Variants in NCKAP1L observed in about 807,000 individuals in gnomAD.
The protein encoded by NCKAP1L is nck-associated protein 1-like.
In NCKAP1L, 53 loss-of-function variants were observed where a neutral mutation model predicts 139.2. The ratio of observed to expected loss-of-function variants is 0.38; its 90% confidence interval spans 0.31 to 0.48. The LOEUF is 0.48. NCKAP1L is among the 20% of genes least tolerant of loss of function. The pLI is 0.98. For synonymous variants in NCKAP1L, 468 were observed against 499.7 expected (o/e 0.94, Z 0.85); for missense variants, 1,151 against 1,381.9 (o/e 0.83, Z 2.65).
chr12:54,508,542 G>A lies in NCKAP1L; in HGVS notation c.506+11G>A, dbSNP rs1956860849. ...GCTGCATGGGCATGGGTGAGTTAAG[G>A]CGAGAGTATTATATGAAGAGTCTCA... On this transcript the variant is annotated intron_variant, in intron 5 of 30. Coordinates refer to ENST00000293373, the MANE Select transcript of NCKAP1L (RefSeq NM_005337.5). 1 of 1,613,904 alleles carries A rather than the reference G, an allele frequency of 6.2e-7. No homozygotes were observed.
chr12:54,506,186 A>T (rs955036039), intron 3 of NCKAP1L, among the ~76,000 whole-genome samples: 1 of 152,148 alleles, frequency 6.6e-6, no homozygotes, highest in African/African-American at 2.4e-5. Flanking sequence ...TTAATTTTAT[A>T]AGAAACCGCC....
intron 18 of NCKAP1L, among the ~76,000 whole-genome samples, 187 bp downstream of exon 18, chr12:54,521,425 C>T (rs1956983099): frequency 6.6e-6 from 1 of 152,192 alleles, no homozygotes; most frequent in African/African-American, 2.4e-5. Context: ...AGTCTTTCCT[C>T]CCTTAGGACT....
intron 3 of NCKAP1L, among the ~76,000 whole-genome samples, chr12:54,503,642 T>C (rs977487357): frequency 6.7e-6 from 1 of 150,110 alleles, no homozygotes; most frequent in Non-Finnish European, 1.5e-5. Flanking sequence ...TTTTTTCTTT[T>C]CTTTTTTTTT....
chr12:54,548,039 T>C lies in NCKAP1L; in HGVS notation c.*5354T>C, dbSNP rs1394065322. The C allele has an allele frequency of 2.0e-5, 3 of 152,196 alleles. No individual in the cohort carries two copies. The highest frequency in any genetic ancestry group is 4.4e-5 in the Non-Finnish European group (3 of 68,034). The allele number at this position is 152,196 out of a possible 1,614,324, so 9.4% of individuals were successfully genotyped here. On this transcript the variant is annotated 3_prime_UTR_variant, in exon 31 of 31. Coordinates refer to ENST00000293373, the MANE Select transcript of NCKAP1L (RefSeq NM_005337.5). The stretch of plus-strand genomic sequence containing the variant: ...TGCTGAATCTAAATGCTGACCTAAC[T>C]TGGCAATTCTTTTATGTTAGGAGTC...
chr12:54,498,896 T>G, intron 1 of NCKAP1L: 1 of 475,948 alleles, frequency 2.1e-6, no homozygotes, highest in Non-Finnish European at 2.7e-6. Context: ...TGACCTACTC[T>G]TATGCTTTTT....
At chr12:54,520,579 C>A in intron 16 of NCKAP1L, 115 bp from the exon 17 acceptor site, 1 of 1,020,712 alleles carries the variant, frequency 9.8e-7, no homozygotes, top group Non-Finnish European at 1.5e-6. Flanking sequence ...TGAATATCCT[C>A]TCCGCCTCAA....
At chr12:54,499,131 G>T (rs894630310) in intron 1 of NCKAP1L, among the ~76,000 whole-genome samples, 2 of 152,070 alleles carry the variant, frequency 1.3e-5, no homozygotes, top group South Asian at 4.2e-4. Context: ...TCACCATGTT[G>T]GCCAGGCTGG....
chr12:54,501,562 T>C (rs918695334), intron 3 of NCKAP1L, among the ~76,000 whole-genome samples: 1 of 151,982 alleles, frequency 6.6e-6, no homozygotes, highest in South Asian at 2.1e-4. Flanking sequence ...TGGAGTGTAG[T>C]GGTGCAATCA....
intron 28 of NCKAP1L, 93 bp from the exon 29 acceptor site, chr12:54,536,851 A>G (rs893123051): frequency 1.8e-5 from 15 of 818,600 alleles, no homozygotes; most frequent in Non-Finnish European, 2.6e-5. Flanking sequence ...GCTCAGCCTG[A>G]AAACATGAGA....
intron 9 of NCKAP1L, among the ~76,000 whole-genome samples, chr12:54,515,993 C>T (rs769388923): frequency 1.7e-4 from 26 of 151,876 alleles, no homozygotes; most frequent in Non-Finnish European, 2.8e-4. Flanking sequence ...CTTGACAAGT[C>T]ATTTCCCTTC....
At chr12:54,516,596 C>T (rs1358120811) in intron 10 of NCKAP1L, among the ~76,000 whole-genome samples, 1 of 152,112 alleles carries the variant, frequency 6.6e-6, no homozygotes, top group African/African-American at 2.4e-5. Flanking sequence ...CAGGCACCCA[C>T]CACCACGCCC....
chr12:54,538,800 T>G (rs970091969), intron 29 of NCKAP1L, 84 bp from the exon 30 acceptor site: 24 of 1,028,054 alleles, frequency 2.3e-5, no homozygotes, highest in Non-Finnish European at 3.5e-5. Context: ...ACTCTCTCCT[T>G]GATCTTTTCT....
Position 54,531,484 on chromosome 12 carries a change from A to T in NCKAP1L, c.2605-7A>T. The T allele has an allele frequency of 6.2e-7, 1 of 1,614,156 alleles. No homozygotes were observed. The highest frequency in any genetic ancestry group is 8.5e-7 in the Non-Finnish European group (1 of 1,179,990). ...CTGCTTAATGTCTCTGTGTTCCTGG[A>T]CTACAGAAGCTGGTGGTGGAAAACA... On this transcript the variant is annotated splice_polypyrimidine_tract_variant and splice_region_variant and intron_variant, in intron 23 of 30. Transcript: ENST00000293373.
chr12:54,521,898 G>C (rs1345266449), intron 18 of NCKAP1L, among the ~76,000 whole-genome samples: 3 of 151,876 alleles, frequency 2.0e-5, no homozygotes, highest in African/African-American at 7.3e-5. Context: ...GTGTGTGTGT[G>C]TGTGTGTGTG....
At position 54,498,913 on chromosome 12, in the gene NCKAP1L, ATATTTATT is replaced by A. The variant is rs10528777; in HGVS notation, c.103-416_103-409del. 1,929 of 203,052 alleles carry A rather than the reference ATATTTATT, an allele frequency of 9.5e-3. 15 individuals are homozygous for A. The highest frequency in any genetic ancestry group is 0.013 in the Non-Finnish European group (1,637 of 123,328). 12.6% of individuals were successfully genotyped at this position (203,052 alleles called of 1,614,324 possible). A position where few individuals can be genotyped will look rare whatever the true frequency, so the allele number is the denominator to read the frequency against. Reference sequence around the variant, plus strand: ...ACCTACTCTTATGCTTTTTATTTTTATATTTATTTATTTATTTATTTATTTATTTATTT... The same window carrying A: ...ACCTACTCTTATGCTTTTTATTTTTATATTTATTTATTTATTTATTTATTT... On this transcript the variant is annotated intron_variant, in intron 1 of 30. Transcript: ENST00000293373.
intron 1 of NCKAP1L, 38 bp from the exon 2 acceptor site, chr12:54,499,317 G>A (rs1422407824): frequency 8.8e-7 from 1 of 1,140,920 alleles, no homozygotes; most frequent in African/African-American, 1.5e-5. Flanking sequence ...CTGAGGAGGA[G>A]GAGAAAGGGT....
Position 54,531,801 on chromosome 12 carries a change from C to T in NCKAP1L, c.2757C>T (p.Ala919=). ...TIIGVILSFR[A]MAQEGLREVF... ...TTGGGGTTATCCTCAGTTTCAGGGC[C>T]ATGGCCCAAGAGGGACTTCGGGAGG... The change falls in exon 25 of 31, where the codon GCC becomes GCT. Residue 919 remains alanine, a synonymous_variant. Coordinates refer to ENST00000293373, the MANE Select transcript of NCKAP1L (RefSeq NM_005337.5). 1 of 1,612,548 alleles carries T rather than the reference C, an allele frequency of 6.2e-7. No homozygotes were observed. The highest frequency in any genetic ancestry group is 8.5e-7 in the Non-Finnish European group (1 of 1,178,656).
Position 54,531,307 on chromosome 12 carries a change from C to T in NCKAP1L, c.2554C>T (p.Leu852=). The change falls in exon 23 of 31, where the codon CTG becomes TTG. Residue 852 remains leucine, a synonymous_variant. Transcript: ENST00000293373. ...CCTGGGCCCCTATGGCATGAAGTTCCTGAGTGAAAACCTGATGTGGCATGT... is the reference window on the plus strand; with the variant it reads ...CCTGGGCCCCTATGGCATGAAGTTCTTGAGTGAAAACCTGATGTGGCATGT... ...ELLGPYGMKF[L]SENLMWHVTS... is the part of the protein sequence containing the mutation. 6.2e-7 allele frequency: 1 copy of T among 1,614,124 alleles called. No individual in the cohort carries two copies. The highest frequency in any genetic ancestry group is 1.1e-5 in the South Asian group (1 of 91,078).
rs962524973 is a variant in NCKAP1L, at chr12:54,545,260, T to C, written c.*2575T>C. The C allele has an allele frequency of 6.6e-6, 1 of 152,232 alleles. No individual in the cohort carries two copies. Among genetic ancestry groups the C allele is most frequent in the African/African-American group, 2.4e-5 (1 of 41,454 alleles). 9.4% of individuals were successfully genotyped at this position (152,232 alleles called of 1,614,324 possible). A position where few individuals can be genotyped will look rare whatever the true frequency, so the allele number is the denominator to read the frequency against. ...AAGTGCTTTCACATCCTTATAGCAA[T>C]TCTGCAAGGTAGCCAGGGAAGGCTT... On this transcript the variant is annotated 3_prime_UTR_variant, in exon 31 of 31. Transcript: ENST00000293373.
Sources: gnomAD v4.1 joint callset for allele counts (sites outside exome capture counted in the v4.1 genomes callset) on GRCh38, gnomAD v4.1.1 for gene constraint, MANE v1.5 for transcripts, NCBI Gene and HGNC (gene_info 2026-07-23, HGNC 2026-07-21) for gene names.